HIPK3: variants seen among roughly 807,000 people sequenced by gnomAD.
HIPK3 encodes the protein homeodomain interacting protein kinase 3.
Under a neutral mutation model 124.2 loss-of-function variants are expected in HIPK3, and 47 were observed. The ratio of observed to expected loss-of-function variants is 0.38; its 90% CI spans 0.30 to 0.48. The LOEUF (loss-of-function observed/expected upper bound fraction) is 0.48, where lower values mean the gene tolerates loss of function less well. Among genes scored for constraint, HIPK3 ranks in the 20% least tolerant of loss-of-function variants. The pLI is 0.98. For synonymous variants in HIPK3, 482 were observed against 515.2 expected, an observed-to-expected ratio of 0.94 and a Z score of 0.87; for missense variants, 1,286 against 1,454.3, an observed-to-expected ratio of 0.88 and a Z score of 1.88.
At chr11:33,270,515 A>T (rs947847450) in intron 1 of HIPK3, among the ~76,000 whole-genome samples, 5 of 152,234 alleles carry the variant, frequency 3.3e-5, no homozygotes, top group Admixed American at 2.6e-4. Context: ...TAAAAATAAG[A>T]TATTAAAAAG....
chr11:33,348,724 A>G lies in HIPK3; in HGVS notation c.2572A>G (p.Ile858Val). Residue 858 changes from isoleucine to valine, a missense_variant, in exon 13 of 17, where the codon ATT becomes GTT. Transcript: ENST00000303296. ...TTCAGACAAACAGCGGCAAACCATC[A>G]TTATTGCCGACTCCCCGAGTCCTGC... is the stretch of plus-strand genomic sequence containing the variant. The part of the protein sequence containing the change: ...SVSDKQRQTI[I>V]IADSPSPAVS... 6.2e-7 allele frequency: 1 copy of G among 1,614,128 alleles called. No homozygotes were observed.
intron 8 of HIPK3, among the ~76,000 whole-genome samples, chr11:33,343,813 A>G (rs1261716147): frequency 2.0e-5 from 3 of 152,178 alleles, no homozygotes; most frequent in Non-Finnish European, 4.4e-5. Flanking sequence ...AAGGATTTAT[A>G]TCATAGAAAG....
intron 16 of HIPK3, among the ~76,000 whole-genome samples, chr11:33,352,626 C>T (rs752374768): frequency 2.6e-5 from 4 of 152,008 alleles, no homozygotes; most frequent in South Asian, 2.1e-4. Context: ...TGGAGTTGGA[C>T]GGGGATTCAA....
chr11:33,337,860 GAC>G (rs1853203965), intron 4 of HIPK3, among the ~76,000 whole-genome samples: 1 of 151,736 alleles, frequency 6.6e-6, no homozygotes, highest in Non-Finnish European at 1.5e-5. Context: ...TTTTAGTAGA[GAC>G]AGGGTTTCAC....
intron 3 of HIPK3, among the ~76,000 whole-genome samples, chr11:33,334,547 C>T (rs1853081489): frequency 6.6e-6 from 1 of 151,924 alleles, no homozygotes; most frequent in African/African-American, 2.4e-5. Flanking sequence ...TCCTCTAGGT[C>T]AGGGGTGTCT....
chr11:33,261,023 TTC>T (rs1409692068), intron 1 of HIPK3, among the ~76,000 whole-genome samples: 1 of 150,834 alleles, frequency 6.6e-6, no homozygotes, highest in East Asian at 1.9e-4. Context: ...GATGTAGTAT[TTC>T]TCTTTTTTAA....
intron 1 of HIPK3, among the ~76,000 whole-genome samples, chr11:33,276,665 A>G (rs1436131264): frequency 2.0e-5 from 3 of 152,166 alleles, no homozygotes; most frequent in African/African-American, 7.2e-5. Context: ...TTAATAAAAT[A>G]TATCTAAAAT....
At chr11:33,265,501 C>T (rs139095989) in intron 1 of HIPK3, among the ~76,000 whole-genome samples, 2,751 of 152,204 alleles carry the variant, frequency 0.018, 37 homozygotes, top group Non-Finnish European at 0.027. Flanking sequence ...TGGCCAGGCA[C>T]GGTGGCTCAT....
chr11:33,300,021 C>CAAA (rs58435948), intron 2 of HIPK3, among the ~76,000 whole-genome samples: 5 of 95,140 alleles, frequency 5.3e-5, no homozygotes, highest in Admixed American at 1.2e-4. Context: ...GACCCTGTCT[C>CAAA]AAAAAAAAAA....
chr11:33,305,162 G>C (rs1193755261), intron 2 of HIPK3, among the ~76,000 whole-genome samples: 1 of 152,090 alleles, frequency 6.6e-6, no homozygotes, highest in East Asian at 1.9e-4. Flanking sequence ...CACCATGCCT[G>C]ACCAACTTTT....
chr11:33,319,203 A>G (rs1441830516), intron 2 of HIPK3, among the ~76,000 whole-genome samples: 1 of 152,204 alleles, frequency 6.6e-6, no homozygotes. Flanking sequence ...ATCTGTTTTT[A>G]AAACATTTTC....
At chr11:33,313,686 G>T (rs1165407179) in intron 2 of HIPK3, among the ~76,000 whole-genome samples, 1 of 152,084 alleles carries the variant, frequency 6.6e-6, no homozygotes, top group African/African-American at 2.4e-5. Flanking sequence ...AAATACTAAT[G>T]ATTTTTCTAG....
chr11:33,331,648 G>A (rs918771545), intron 3 of HIPK3, among the ~76,000 whole-genome samples: 1 of 152,110 alleles, frequency 6.6e-6, no homozygotes, highest in Non-Finnish European at 1.5e-5. Context: ...AGACATGCTG[G>A]GATTACAGGT....
chr11:33,323,498 C>T (rs1852725072), intron 2 of HIPK3, among the ~76,000 whole-genome samples: 1 of 152,192 alleles, frequency 6.6e-6, no homozygotes, highest in African/African-American at 2.4e-5. Flanking sequence ...CCGGCTTAGC[C>T]TCCAAAAGTG....
intron 1 of HIPK3, among the ~76,000 whole-genome samples, chr11:33,269,146 A>C (rs1424479922): frequency 6.6e-6 from 1 of 152,236 alleles, no homozygotes; most frequent in East Asian, 1.9e-4. Context: ...ATAGCTTGGC[A>C]GGTACCTGAC....
chr11:33,299,633 A>G (rs1035135735), intron 2 of HIPK3, among the ~76,000 whole-genome samples: 1 of 152,210 alleles, frequency 6.6e-6, no homozygotes, highest in Admixed American at 6.5e-5. Context: ...TTTTGAAAGA[A>G]GTTCTCCTGT....
At chr11:33,303,489 C>T (rs1852063889) in intron 2 of HIPK3, among the ~76,000 whole-genome samples, 1 of 152,108 alleles carries the variant, frequency 6.6e-6, no homozygotes, top group Non-Finnish European at 1.5e-5. Flanking sequence ...GAATAAAAGC[C>T]TTTAATGTCA....
chr11:33,272,497 A>G (rs1286775263), intron 1 of HIPK3, among the ~76,000 whole-genome samples: 1 of 151,900 alleles, frequency 6.6e-6, no homozygotes, highest in Non-Finnish European at 1.5e-5. Flanking sequence ...TGTAAATTAC[A>G]TTGCTGTTCT....
intron 2 of HIPK3, among the ~76,000 whole-genome samples, chr11:33,304,940 A>T (rs577345346): frequency 6.6e-6 from 1 of 152,212 alleles, no homozygotes; most frequent in Non-Finnish European, 1.5e-5. Context: ...CATTCTTATC[A>T]TGACAAGGAT....
Sources: gnomAD v4.1 joint callset for allele counts (sites outside exome capture counted in the v4.1 genomes callset) on GRCh38, gnomAD v4.1.1 for gene constraint, MANE v1.5 for transcripts, NCBI Gene and HGNC (gene_info 2026-07-23, HGNC 2026-07-21) for gene names.